Variants in ANK3 observed in about 807,000 individuals in gnomAD.
ANK3 encodes ankyrin 3, also known as ankyrin-3.
In ANK3, 57 loss-of-function variants were observed where a neutral mutation model predicts 370.9. The ratio of observed to expected loss-of-function variants is 0.15; its 90% CI spans 0.12 to 0.19. ANK3 has a LOEUF of 0.19. ANK3 is among the 10% of genes least tolerant of loss of function. The pLI is 1.00. For missense variants in ANK3, 4,439 were observed against 5,302.1 expected, an observed-to-expected ratio of 0.84 and a Z score of 5.06; for synonymous variants, 1,929 against 1,946.3, an observed-to-expected ratio of 0.99 and a Z score of 0.23.
chr10:60,127,986 C>T (rs993638806), intron 25 of ANK3, among the ~76,000 whole-genome samples: 1 of 152,082 alleles, frequency 6.6e-6, no homozygotes, highest in Middle Eastern at 3.2e-3. Flanking sequence ...TGTGAGCCAC[C>T]GCGCCCGGCC....
At position 60,469,029 on chromosome 10, in the gene ANK3, GTGTATATATA is replaced by G. The variant is rs1567066164; in HGVS notation, c.96+146147_96+146156del. Among the ~76,000 whole-genome samples the G allele has an allele frequency of 8.6e-5, 3 of 34,970 alleles. 1 individual carries two copies. The highest frequency in any genetic ancestry group is 5.6e-4 in the East Asian group (1 of 1,800). The allele number at this position is 34,970 out of a possible 152,430, so 22.9% of individuals were successfully genotyped here. ...TATATATATATATATACCACTTTTA[GTGTATATATA>G]TATATATATATATATACCACTTTTA... On this transcript the variant is annotated intron_variant, in intron 2 of 43. Transcript: ENST00000373827.
chr10:60,068,933 T>A lies in ANK3; in HGVS notation c.11948A>T (p.Lys3983Ile). 2 of 1,614,042 alleles carry A rather than the reference T, an allele frequency of 1.2e-6. No individual in the cohort carries two copies. The highest frequency in any genetic ancestry group is 1.7e-6 in the Non-Finnish European group (2 of 1,179,988). Residue 3983 changes from lysine (K) to isoleucine (I), a missense_variant, in exon 37 of 44, where the codon AAA becomes ATA. By Grantham distance (102) the Lys-to-Ile change is moderately radical (BLOSUM62 -3). This residue lies in a region of ANK3 where 496 missense variants were observed against 529.3 expected (regional missense o/e 0.94). Transcript: ENST00000280772. ...TTCCTTGAGCTGACTTTTCCTAACT[T>A]TAACTGTGCAGCTGGTGGTGGTGGT... ...TTTTTTSCTVKVRKSQLKEVC... is the reference protein window; with the variant it reads ...TTTTTTSCTVIVRKSQLKEVC...
chr10:60,222,484 G>A (rs1208686843), intron 8 of ANK3, among the ~76,000 whole-genome samples: 1 of 151,116 alleles, frequency 6.6e-6, no homozygotes, highest in African/African-American at 2.4e-5. Flanking sequence ...CCACTTTTTG[G>A]TTAAAAAAAT....
intron 1 of ANK3, among the ~76,000 whole-genome samples, chr10:60,366,209 G>A (rs985621957): frequency 2.6e-5 from 4 of 151,874 alleles, no homozygotes; most frequent in Admixed American, 6.6e-5. Flanking sequence ...TTGGTGGCAC[G>A]CACTCCCAAG....
upstream of ANK3, among the ~76,000 whole-genome samples, chr10:60,390,598 C>T (rs1251317842): frequency 6.6e-6 from 1 of 152,024 alleles, no homozygotes; most frequent in African/African-American, 2.4e-5. Context: ...AGGATGCACA[C>T]ACCGGAAGAA....
chr10:60,500,843 C>T (rs2075777696), intron 2 of ANK3, among the ~76,000 whole-genome samples: 3 of 152,140 alleles, frequency 2.0e-5, no homozygotes, highest in South Asian at 2.1e-4. Flanking sequence ...GAATTCTCAC[C>T]TTGAAATCTG....
upstream of ANK3, among the ~76,000 whole-genome samples, chr10:60,393,220 C>T (rs371325687): frequency 3.5e-4 from 53 of 152,306 alleles, 1 homozygote; most frequent in South Asian, 9.5e-3. Flanking sequence ...AGCCCCAGCT[C>T]TTTGGCTCTC....
chr10:60,108,266 T>C (rs769329048), intron 27 of ANK3: 3 of 409,714 alleles, frequency 7.3e-6, no homozygotes, highest in Non-Finnish European at 1.4e-5. Flanking sequence ...AGGGGGAGGA[T>C]TGGTAGGAAG....
At chr10:60,064,084 C>A in intron 39 of ANK3, 73 bp downstream of exon 39, 1 of 1,371,588 alleles carries the variant, frequency 7.3e-7, no homozygotes. Context: ...CTTGGATGAA[C>A]CTAACAGTTG....
At chr10:60,249,534 A>C (rs1243485850) in intron 7 of ANK3, among the ~76,000 whole-genome samples, 7 of 152,206 alleles carry the variant, frequency 4.6e-5, no homozygotes, top group African/African-American at 1.4e-4. Context: ...GTTAACTTGA[A>C]ATTCTTAGTT....
intron 1 of ANK3, among the ~76,000 whole-genome samples, chr10:60,701,826 T>G (rs1412991417): frequency 1.3e-5 from 2 of 152,180 alleles, no homozygotes; most frequent in Non-Finnish European, 2.9e-5. Context: ...GTATCAAAAG[T>G]AGCCTATTAC....
chr10:60,683,308 C>A (rs2079221747), intron 1 of ANK3, among the ~76,000 whole-genome samples: 1 of 152,190 alleles, frequency 6.6e-6, no homozygotes, highest in Non-Finnish European at 1.5e-5. Flanking sequence ...TCAATAAGTG[C>A]TGAAACTATC....
chr10:60,074,659 C>A lies in ANK3; in HGVS notation c.6222G>T (p.Leu2074Phe), dbSNP rs750474644. The change falls in exon 37 of 44, where the codon TTG becomes TTT. Residue 2074 changes from leucine to phenylalanine, a missense_variant. Physicochemically the swap from Leu to Phe is conservative, Grantham distance 22 (BLOSUM62 0). Coordinates refer to ENST00000280772, the MANE Select transcript of ANK3 (RefSeq NM_020987.5). Reference protein sequence around the residue: ...QKRVLKPAIALQEHKLKMPPA... With the variant: ...QKRVLKPAIAFQEHKLKMPPA... ...GAGGCATTTTGAGTTTGTGTTCCTGCAAAGCAATTGCTGGTTTTAAAACTC... is the reference window on the plus strand; with the variant it reads ...GAGGCATTTTGAGTTTGTGTTCCTGAAAAGCAATTGCTGGTTTTAAAACTC... The A allele has an allele frequency of 7.4e-6, 12 of 1,613,626 alleles. No homozygotes were observed. The Admixed American group carries it at 1.8e-4, about 25-fold the overall frequency.
Position 60,109,018 on chromosome 10 carries a change from G to A in ANK3, c.2985C>T (p.Gly995=). ...CGTGATGACGGCTTCCTCTCATGGA[G>A]CCCCCTCTCGCGTCCACCATAAAGC... ...LVSFMVDARG[G]SMRGSRHHGM... Residue 995 remains glycine, a synonymous_variant, in exon 27 of 44, where the codon GGC becomes GGT. Transcript: ENST00000280772. 1.2e-6 allele frequency: 2 copies of A among 1,613,570 alleles called. No individual in the cohort carries two copies. The highest frequency in any genetic ancestry group is 1.1e-5 in the South Asian group (1 of 91,046).
intron 25 of ANK3, among the ~76,000 whole-genome samples, chr10:60,124,979 G>A (rs573990463): frequency 3.3e-5 from 5 of 152,174 alleles, no homozygotes; most frequent in East Asian, 1.9e-4. Context: ...TTATTGTGAC[G>A]TGCAGTGGAT....
chr10:60,275,250 A>C (rs923941057), intron 4 of ANK3, among the ~76,000 whole-genome samples: 15 of 152,196 alleles, frequency 9.9e-5, no homozygotes, highest in Non-Finnish European at 1.5e-5. Context: ...TTGAAGTCTG[A>C]TTTTATCCAA....
At chr10:60,610,505 A>G (rs2078186771) in intron 2 of ANK3, among the ~76,000 whole-genome samples, 1 of 149,022 alleles carries the variant, frequency 6.7e-6, no homozygotes. Context: ...GAGAGCGGAA[A>G]AAAAAAAAAA....
At chr10:60,271,532 C>A (rs2132675597) in intron 4 of ANK3, among the ~76,000 whole-genome samples, 1 of 152,214 alleles carries the variant, frequency 6.6e-6, no homozygotes, top group East Asian at 1.9e-4. Context: ...ATATACTTTT[C>A]AGAATGCAGT....
chr10:60,042,666 C>T lies in ANK3; in HGVS notation c.*19+6G>A, dbSNP rs1157798761. ...TCCTACTGTTGTTGATATGAACACA[C>T]CTCACCTTGACTGACCGTTCGCTGT... On this transcript the variant is annotated splice_donor_region_variant and intron_variant, in intron 43 of 43. Coordinates refer to ENST00000280772, the MANE Select transcript of ANK3 (RefSeq NM_020987.5). The T allele has an allele frequency of 6.2e-7, 1 of 1,612,998 alleles. No homozygotes were observed. The highest frequency in any genetic ancestry group is 8.5e-7 in the Non-Finnish European group (1 of 1,179,252).
Sources: gnomAD v4.1 joint callset for allele counts (sites outside exome capture counted in the v4.1 genomes callset) on GRCh38, gnomAD v4.1.1 for gene constraint, gnomAD v4.1.1 regional missense constraint, MANE v1.5 for transcripts, NCBI Gene and HGNC (gene_info 2026-07-23, HGNC 2026-07-21) for gene names.